Variants in CDX2 observed in about 807,000 individuals in gnomAD.
CDX2 encodes caudal type homeobox 2.
CDX2 carries 7 observed loss-of-function variants against 25.5 expected under a neutral mutation model. The ratio of observed to expected loss-of-function variants is 0.27; its 90% CI spans 0.16 to 0.52. The LOEUF is 0.52. Ranked by LOEUF, CDX2 falls within the 20% of genes least tolerant of loss-of-function variation. The pLI is 0.97. For synonymous variants in CDX2, 222 were observed against 198.6 expected (o/e 1.12, Z -0.99); for missense variants, 375 against 431.4 (o/e 0.87, Z 1.16).
Position 27,969,129 on chromosome 13 carries a change from C to T in CDX2, c.-123G>A, listed in dbSNP as rs1869508856. 1 of 680,820 alleles carries T rather than the reference C, an allele frequency of 1.5e-6. No individual in the cohort carries two copies. Among genetic ancestry groups the T allele is most frequent in the East Asian group, 3.2e-5 (1 of 31,526 alleles). The allele number at this position is 680,820 out of a possible 1,614,324, so 42.2% of individuals were successfully genotyped here. ...GGAGCGGCGGGTGGCTGCGCCCCAG[C>T]CCGCGGTGCTCCGCTGGCTCCTCGC... On this transcript the variant is annotated 5_prime_UTR_variant, in exon 1 of 3. Coordinates refer to ENST00000381020, the MANE Select transcript of CDX2 (RefSeq NM_001265.6).
rs992901667 is a variant in CDX2 at position 27,964,115 on chromosome 13, C to A, written c.688-746G>T. 6.6e-6 allele frequency among the ~76,000 whole-genome samples: 1 copy of A among 152,128 alleles called. No individual in the cohort carries two copies. ...AAGGAGGCTTTTTAAAAAAGTACTC[C>A]AGGGCCAGGCACAGTGGCTCACACC... On this transcript the variant is annotated intron_variant, in intron 2 of 2. Transcript: ENST00000381020. The surrounding 1 kb of genome is among the most constrained non-coding windows in gnomAD (Gnocchi z 4.7).
rs1435241892 is a variant in CDX2 at position 27,964,765 on chromosome 13, T to C, written c.687+105A>G. On this transcript the variant is annotated intron_variant, in intron 2 of 2. Transcript: ENST00000381020. This position sits in a 1 kb window ranked among gnomAD's most constrained non-coding sequence, Gnocchi z 4.7. ...AAGACGAATGCTTGCATCCTCCTGCTTCAGTCTCTCCACAGATTTAGATGG... is the reference window on the plus strand; with the variant it reads ...AAGACGAATGCTTGCATCCTCCTGCCTCAGTCTCTCCACAGATTTAGATGG... 6.2e-6 allele frequency: 6 copies of C among 973,086 alleles called. No individual in the cohort carries two copies. Among genetic ancestry groups the C allele is most frequent in the Non-Finnish European group, 9.3e-6 (6 of 642,080 alleles). 60.3% of individuals were successfully genotyped at this position (973,086 alleles called of 1,614,324 possible). A position where few individuals can be genotyped will look rare whatever the true frequency, so the allele number is the denominator to read the frequency against.
intron 1 of CDX2, among the ~76,000 whole-genome samples, chr13:27,965,657 A>T (rs145095803): frequency 1.3e-5 from 2 of 152,316 alleles, no homozygotes; most frequent in East Asian, 1.9e-4. Context: ...GGCGTTTGGT[A>T]CTTTTTCTTT....
At position 27,964,897 on chromosome 13, in the gene CDX2, G is replaced by A. The variant is rs747360741; in HGVS notation, c.660C>T (p.Ala220=). 38 of 1,613,918 alleles carry A rather than the reference G, an allele frequency of 2.4e-5. No individual in the cohort carries two copies. The Admixed American group carries it at 3.0e-4, about 13-fold the overall frequency. ...GCCTCTCAGAGAGCCCCAGCGTGGCGGCTAGCTCGGCTTTCCTCCGGATGG... is the reference window on the plus strand; with the variant it reads ...GCCTCTCAGAGAGCCCCAGCGTGGCAGCTAGCTCGGCTTTCCTCCGGATGG... The part of the protein sequence containing the change: ...YITIRRKAEL[A]ATLGLSERQV... Residue 220 remains alanine, a synonymous_variant, in exon 2 of 3, where the codon GCC becomes GCT. Transcript: ENST00000381020. The surrounding 1 kb of genome is among the most constrained non-coding windows in gnomAD (Gnocchi z 4.7).
At position 27,965,649 on chromosome 13, in the gene CDX2, C is replaced by T. The variant is rs570443410; in HGVS notation, c.542-634G>A. On this transcript the variant is annotated intron_variant, in intron 1 of 2. Transcript: ENST00000381020. ...TTATACCTGCCCAGACCAGGTTTGG[C>T]GTTTGGTACTTTTTCTTTTTTGATC... Among the ~76,000 whole-genome samples the T allele has an allele frequency of 2.8e-4, 43 of 152,308 alleles. No individual in the cohort carries two copies. The South Asian group carries it at 8.3e-3, about 29-fold the overall frequency.
Position 27,964,580 on chromosome 13 carries a change from T to C in CDX2, c.687+290A>G, listed in dbSNP as rs946418599. On this transcript the variant is annotated intron_variant, in intron 2 of 2. Transcript: ENST00000381020. The surrounding 1 kb of genome is among the most constrained non-coding windows in gnomAD (Gnocchi z 4.7). The stretch of plus-strand genomic sequence containing the variant: ...TTAGCCAGTCATGGTGGCTCGAGCC[T>C]GTAGTCCAAGCTACTCAGGTGACTG... Among the ~76,000 whole-genome samples, 4 of 152,002 alleles carry C rather than the reference T, an allele frequency of 2.6e-5. No individual in the cohort carries two copies. Among genetic ancestry groups the C allele is most frequent in the African/African-American group, 9.7e-5 (4 of 41,380 alleles).
chr13:27,965,346 G>A (rs1794696472), intron 1 of CDX2, among the ~76,000 whole-genome samples: 1 of 152,228 alleles, frequency 6.6e-6, no homozygotes, highest in Admixed American at 6.5e-5. Context: ...GACACCAAGG[G>A]AAAGGGGGCA....
rs1593185389 is a variant in CDX2, at chr13:27,968,315, C to G, written c.541+151G>C. 18 of 986,206 alleles carry G rather than the reference C, an allele frequency of 1.8e-5. 1 individual carries two copies. In the East Asian group the frequency reaches 5.5e-4, roughly 30 times the overall value. The allele number at this position is 986,206 out of a possible 1,614,324, so 61.1% of individuals were successfully genotyped here. A position where few individuals can be genotyped will look rare whatever the true frequency, so the allele number is the denominator to read the frequency against. ...GAAGCCCCGACGGGCCAGAGGCCCC[C>G]GAATTTGTCTCCGGGCCGTGCCCCT... is the stretch of plus-strand genomic sequence containing the variant. On this transcript the variant is annotated intron_variant, in intron 1 of 2. Coordinates refer to ENST00000381020, the MANE Select transcript of CDX2 (RefSeq NM_001265.6).
intron 1 of CDX2, chr13:27,967,296 T>C (rs1869381359): frequency 1.9e-6 from 1 of 514,128 alleles, no homozygotes; most frequent in Non-Finnish European, 3.8e-6. Flanking sequence ...TCGGCGGCAT[T>C]CCCACCAGGA....
chr13:27,967,005 C>A lies in CDX2; in HGVS notation c.541+1461G>T, dbSNP rs369649260. On this transcript the variant is annotated intron_variant, in intron 1 of 2. Transcript: ENST00000381020. Reference sequence around the variant, plus strand: ...GCCACCTCGGCGCAGGACTTCACAGCGGCCTCTCATCTGCTGACCCCGCGG... The same window carrying A: ...GCCACCTCGGCGCAGGACTTCACAGAGGCCTCTCATCTGCTGACCCCGCGG... 2.2e-4 allele frequency among the ~76,000 whole-genome samples: 34 copies of A among 152,302 alleles called. 2 individuals are homozygous for A. The East Asian group carries it at 6.6e-3, about 29-fold the overall frequency.
In CDX2 at chr13:27,969,309, C is replaced by T; in HGVS notation, c.-303G>A. The T allele has an allele frequency of 4.3e-6, 2 of 465,006 alleles. No individual in the cohort carries two copies. The highest frequency in any genetic ancestry group is 4.1e-5 in the East Asian group (1 of 24,274). The allele number at this position is 465,006 out of a possible 1,614,324, so 28.8% of individuals were successfully genotyped here. A position where few individuals can be genotyped will look rare whatever the true frequency, so the allele number is the denominator to read the frequency against. On this transcript the variant is annotated 5_prime_UTR_variant, in exon 1 of 3. Transcript: ENST00000381020. ...GCGGAGCCCCAGGCCGGCGGCCTTC[C>T]GTGATTAACGAGTGTTTACAAGACT... is the stretch of plus-strand genomic sequence containing the variant.
chr13:27,963,056 G>C lies in CDX2; in HGVS notation c.*59C>G, dbSNP rs1869134667. On this transcript the variant is annotated 3_prime_UTR_variant, in exon 3 of 3. Transcript: ENST00000381020. ...GGGGTCTCTCCTGAGGAGTCTAGCAGAGTCCACGCTCCTCATGGCTCAGCC... is the reference window on the plus strand; with the variant it reads ...GGGGTCTCTCCTGAGGAGTCTAGCACAGTCCACGCTCCTCATGGCTCAGCC... 1 of 1,552,956 alleles carries C rather than the reference G, an allele frequency of 6.4e-7. No individual in the cohort carries two copies. The highest frequency in any genetic ancestry group is 1.9e-5 in the Admixed American group (1 of 53,914).
At position 27,961,558 on chromosome 13, in the gene CDX2, G is replaced by T. The variant is rs7998720; in HGVS notation, c.*1557C>A. Among the ~76,000 whole-genome samples, 6,166 of 151,276 alleles carry T rather than the reference G, an allele frequency of 0.041. 250 individuals carry two copies. Among genetic ancestry groups the T allele is most frequent in the African/African-American group, 0.11 (4,388 of 40,718 alleles). ...GTTTGTGGGGTGATTGGGTTGGAAG[G>T]GGGGGCGCGGTCGGGGATAAGGAAA... On this transcript the variant is annotated 3_prime_UTR_variant, in exon 3 of 3. Coordinates refer to ENST00000381020, the MANE Select transcript of CDX2 (RefSeq NM_001265.6).
At position 27,968,489 on chromosome 13, in the gene CDX2, G is replaced by A. The variant is rs781543877; in HGVS notation, c.518C>T (p.Ala173Val). 3.8e-6 allele frequency: 6 copies of A among 1,559,278 alleles called. No homozygotes were observed. In the East Asian group the frequency reaches 1.5e-4, roughly 39 times the overall value. The stretch of plus-strand genomic sequence containing the variant: ...ACCTTGGCTGCCGAGGGACTGCTGC[G>A]CCGGCTTCCGCATCCACTCGCACAG... ...RNLCEWMRKP[A>V]QQSLGSQVKT... is the part of the protein sequence containing the mutation. The change falls in exon 1 of 3, where the codon GCG (alanine) becomes GTG (valine). Residue 173 changes from alanine (A) to valine (V), a missense_variant. Ala to Val is a moderately conservative substitution (Grantham distance 64, BLOSUM62 0). Coordinates refer to ENST00000381020, the MANE Select transcript of CDX2 (RefSeq NM_001265.6).
rs1045740487 is a variant in CDX2 at position 27,961,609 on chromosome 13, G to T, written c.*1506C>A. Among the ~76,000 whole-genome samples, 3 of 152,116 alleles carry T rather than the reference G, an allele frequency of 2.0e-5. No individual in the cohort carries two copies. The highest frequency in any genetic ancestry group is 2.9e-5 in the Non-Finnish European group (2 of 68,034). ...CTGCAAAGACAGAGAAGAGAGTGGA[G>T]GCAGAAAGGGCTCACGGAAATGCCC... is the stretch of plus-strand genomic sequence containing the variant. On this transcript the variant is annotated 3_prime_UTR_variant, in exon 3 of 3. Coordinates refer to ENST00000381020, the MANE Select transcript of CDX2 (RefSeq NM_001265.6).
At chr13:27,966,768 A>G (rs940152458) in intron 1 of CDX2, among the ~76,000 whole-genome samples, 4 of 152,160 alleles carry the variant, frequency 2.6e-5, no homozygotes, top group African/African-American at 9.7e-5. Flanking sequence ...AGAATTCATT[A>G]TTGACTGCGA....
rs1869511846 is a variant in CDX2 at position 27,969,169 on chromosome 13, C to T, written c.-163G>A. 3.6e-6 allele frequency: 2 copies of T among 563,180 alleles called. No homozygotes were observed. The highest frequency in any genetic ancestry group is 6.2e-6 in the Non-Finnish European group (2 of 324,360). 34.9% of individuals were successfully genotyped at this position (563,180 alleles called of 1,614,324 possible). A position where few individuals can be genotyped will look rare whatever the true frequency, so the allele number is the denominator to read the frequency against. Reference sequence around the variant, plus strand: ...TGGCTCCTCGCGGCTCTTCTGCCTCCGAGGCGGTCCCTCCCTCTGGCCTGC... The same window carrying T: ...TGGCTCCTCGCGGCTCTTCTGCCTCTGAGGCGGTCCCTCCCTCTGGCCTGC... On this transcript the variant is annotated 5_prime_UTR_variant, in exon 1 of 3. Transcript: ENST00000381020.
In CDX2 at chr13:27,968,872, C is replaced by A; in HGVS notation, c.135G>T (p.Val45=). 1 of 1,600,618 alleles carries A rather than the reference C, an allele frequency of 6.2e-7. No homozygotes were observed. Among genetic ancestry groups the A allele is most frequent in the East Asian group, 2.2e-5 (1 of 44,492 alleles). Residue 45 remains valine (V), a synonymous_variant, in exon 1 of 3, where the codon GTG becomes GTT. Coordinates refer to ENST00000381020, the MANE Select transcript of CDX2 (RefSeq NM_001265.6). ...PQYPDYGGYH[V]AAAAAAAANL... ...TCGCTGCCGCTGCAGCTGCGGCCGC[C>A]ACGTGGTAACCGCCGTAGTCCGGGT...
chr13:27,968,158 A>G (rs1351736746), intron 1 of CDX2, among the ~76,000 whole-genome samples: 2 of 152,250 alleles, frequency 1.3e-5, no homozygotes, highest in South Asian at 4.1e-4. Context: ...GGCGTCCAGC[A>G]GTGCTCACGC....
Sources: gnomAD v4.1 joint callset for allele counts (sites outside exome capture counted in the v4.1 genomes callset) on GRCh38, gnomAD v4.1.1 for gene constraint, Gnocchi (gnomAD v3.1) non-coding constraint, MANE v1.5 for transcripts, NCBI Gene and HGNC (gene_info 2026-07-23, HGNC 2026-07-21) for gene names.